MYH15: variants seen among roughly 807,000 people sequenced by gnomAD.
The protein encoded by MYH15 is myosin heavy chain 15.
A neutral mutation model predicts 240.5 loss-of-function variants in MYH15; 227 were observed. The ratio of observed to expected loss-of-function variants is 0.94; its 90% CI spans 0.85 to 1.05. MYH15 has a LOEUF of 1.05. Ranked by LOEUF, MYH15 falls within the 50% of genes least tolerant of loss-of-function variation. The pLI is 0.00. For synonymous variants in MYH15, 785 were observed against 796.7 expected (o/e 0.99, Z 0.25); for missense variants, 2,217 against 2,247.5 (o/e 0.99, Z 0.27).
At chr3:108,437,408 A>AC (rs2082848150) in intron 25 of MYH15, 146 bp downstream of exon 25, 1 of 1,073,800 alleles carries the variant, frequency 9.3e-7, no homozygotes, top group Admixed American at 2.6e-5. Context: ...CAGTAAAGAA[A>AC]AAAAAAATTG....
chr3:108,416,022 A>G (rs1469986861), intron 29 of MYH15, among the ~76,000 whole-genome samples: 2 of 152,198 alleles, frequency 1.3e-5, no homozygotes, highest in Admixed American at 1.3e-4. Context: ...TTTCATATAT[A>G]AGGATGCAAT....
At chr3:108,442,425 G>A (rs2082892196) in intron 22 of MYH15, among the ~76,000 whole-genome samples, 1 of 152,102 alleles carries the variant, frequency 6.6e-6, no homozygotes, top group Admixed American at 6.5e-5. Context: ...ATTTAGGAAG[G>A]GTCAATGCAA....
chr3:108,495,371 G>A (rs73207934), intron 7 of MYH15, among the ~76,000 whole-genome samples: 12,550 of 152,214 alleles, frequency 0.082, 575 homozygotes, highest in Middle Eastern at 0.12. Context: ...AACAGTAATT[G>A]TAGTAAGTGA....
At chr3:108,503,346 C>T (rs551264022) in intron 2 of MYH15, among the ~76,000 whole-genome samples, 7 of 152,022 alleles carry the variant, frequency 4.6e-5, no homozygotes, top group Non-Finnish European at 1.0e-4. Context: ...TTTAGTTGGT[C>T]ATCATTAAGA....
At chr3:108,397,536 G>A (rs535320797) in intron 35 of MYH15, among the ~76,000 whole-genome samples, 7 of 152,300 alleles carry the variant, frequency 4.6e-5, no homozygotes, top group Admixed American at 4.6e-4. Context: ...TTAGGACAGT[G>A]GAGACATTCT....
At chr3:108,500,337 C>A in intron 3 of MYH15, 63 bp from the exon 4 acceptor site, 1 of 1,516,746 alleles carries the variant, frequency 6.6e-7, no homozygotes, top group Non-Finnish European at 8.9e-7. Context: ...TTTGTCAGCT[C>A]TTCCAGTGTC....
chr3:108,407,298 A>T (rs1056711439), intron 32 of MYH15, among the ~76,000 whole-genome samples: 4 of 152,010 alleles, frequency 2.6e-5, no homozygotes, highest in African/African-American at 7.3e-5. Context: ...CTTCCAAGAG[A>T]CCCCTGCCTA....
chr3:108,413,912 C>T (rs9810676), intron 30 of MYH15, among the ~76,000 whole-genome samples: 77,459 of 151,952 alleles, frequency 0.51, 20,109 homozygotes, highest in East Asian at 0.75. Flanking sequence ...GGGTTTTAAA[C>T]GATAGCCTAT....
intron 5 of MYH15, 32 bp from the exon 6 acceptor site, chr3:108,498,177 T>C: frequency 8.8e-6 from 14 of 1,587,400 alleles, no homozygotes; most frequent in Non-Finnish European, 1.1e-5. Context: ...TACAGTTAAC[T>C]GGTTCTGATT....
chr3:108,427,430 A>G (rs2082732698), intron 27 of MYH15, among the ~76,000 whole-genome samples: 1 of 152,172 alleles, frequency 6.6e-6, no homozygotes, highest in Admixed American at 6.5e-5. Context: ...CAATGTGAGG[A>G]TGCAGCAAGA....
intron 14 of MYH15, among the ~76,000 whole-genome samples, chr3:108,469,203 G>A (rs1264339277): frequency 6.6e-6 from 1 of 152,224 alleles, no homozygotes; most frequent in Non-Finnish European, 1.5e-5. Flanking sequence ...GAGGTCAGTT[G>A]CCCTAGCTCC....
intron 27 of MYH15, 56 bp downstream of exon 27, chr3:108,428,436 T>C: frequency 6.5e-7 from 1 of 1,532,020 alleles, no homozygotes; most frequent in South Asian, 1.3e-5. Context: ...CTCCCATTTC[T>C]TCCCCTCCCT....
At chr3:108,441,755 T>C (rs2082886774) in intron 22 of MYH15, among the ~76,000 whole-genome samples, 1 of 152,250 alleles carries the variant, frequency 6.6e-6, no homozygotes, top group African/African-American at 2.4e-5. Context: ...CTGAGTCATA[T>C]GTTTTTTAAA....
In MYH15 at chr3:108,384,722, T is replaced by G. The variant is rs1576199706; in HGVS notation, c.5596A>C (p.Lys1866Gln). Residue 1866 changes from lysine (K) to glutamine (Q), a missense_variant, in exon 39 of 41, where the codon AAA becomes CAA. Lys to Gln is a moderately conservative substitution (Grantham distance 53). Coordinates refer to ENST00000693548, the MANE Select transcript of MYH15 (RefSeq NM_014981.3). ...ACTTGCTGCTTGTAATTTTGCACTT[T>G]TAGCTGAAGTTTATCCATCTGAGTT... ...MQTQMDKLQL[K>Q]VQNYKQQVEV... 1 of 1,613,898 alleles carries G rather than the reference T, an allele frequency of 6.2e-7. No homozygotes were observed. The highest frequency in any genetic ancestry group is 1.1e-5 in the South Asian group (1 of 91,072).
At chr3:108,397,091 A>T (rs1267027335) in intron 35 of MYH15, among the ~76,000 whole-genome samples, 1 of 152,160 alleles carries the variant, frequency 6.6e-6, no homozygotes, top group Non-Finnish European at 1.5e-5. Context: ...TCTGTCCTTC[A>T]CAATAATCAC....
At chr3:108,427,005 G>T (rs867304782) in intron 27 of MYH15, among the ~76,000 whole-genome samples, 32 of 152,226 alleles carry the variant, frequency 2.1e-4, no homozygotes, top group Admixed American at 5.9e-4. Context: ...GAATGGGAAT[G>T]TCTATGCTAT....
chr3:108,413,472 A>G (rs1297243433), intron 30 of MYH15, among the ~76,000 whole-genome samples: 1 of 152,182 alleles, frequency 6.6e-6, no homozygotes, highest in East Asian at 1.9e-4. Flanking sequence ...ATTTTTGCCA[A>G]GCTACCAAGC....
At chr3:108,544,120 T>G in the MYH15 span, among the ~76,000 whole-genome samples, 1 of 152,210 alleles carries the variant, frequency 6.6e-6, no homozygotes, top group Non-Finnish European at 1.5e-5. Flanking sequence ...ATTTTTCAGT[T>G]TGTTCAGCTT....
intron 5 of MYH15, among the ~76,000 whole-genome samples, chr3:108,498,855 G>A (rs755452843): frequency 2.0e-5 from 3 of 152,166 alleles, no homozygotes; most frequent in Non-Finnish European, 4.4e-5. Context: ...GAAGGTAAAG[G>A]ACTTTAGCAC....
Sources: allele counts gnomAD v4.1 joint callset (sites outside exome capture counted in the v4.1 genomes callset), GRCh38; gene constraint gnomAD v4.1.1; transcripts MANE v1.5; gene names NCBI Gene and HGNC (gene_info 2026-07-23, HGNC 2026-07-21).